NUDT6: variants seen among roughly 807,000 people sequenced by gnomAD.
NUDT6 encodes nudix hydrolase 6.
A neutral mutation model predicts 36.8 loss-of-function variants in NUDT6; 24 were observed. That is an observed-to-expected ratio of 0.65 (90% confidence interval 0.47 to 0.92). The LOEUF (loss-of-function observed/expected upper bound fraction) is 0.92. Among genes scored for constraint, NUDT6 ranks in the 40% least tolerant of loss-of-function variants. The pLI, the probability that NUDT6 is intolerant of heterozygous loss-of-function variation, is 0.00. For synonymous variants in NUDT6, 163 were observed against 157.0 expected (o/e 1.04, Z -0.29); for missense variants, 388 against 392.8 (o/e 0.99, Z 0.10).
At chr4:122,893,706 A>G (rs1184088247) in intron 4 of NUDT6, 1 of 152,406 alleles carries the variant, frequency 6.6e-6, no homozygotes, top group Non-Finnish European at 1.5e-5. Context: ...AAAGGTTTTC[A>G]CATTTTATAA....
At chr4:122,908,164 C>A (rs760014102) in intron 3 of NUDT6, among the ~76,000 whole-genome samples, 1 of 152,108 alleles carries the variant, frequency 6.6e-6, no homozygotes, top group South Asian at 2.1e-4. Flanking sequence ...TTGGACACAC[C>A]GCATTATACC....
intron 4 of NUDT6, chr4:122,893,479 C>T (rs1327794813): frequency 1.2e-5 from 4 of 345,908 alleles, no homozygotes; most frequent in African/African-American, 8.4e-5. Flanking sequence ...TCTACCTGTA[C>T]ATTTTTGGGG....
rs374300011 is a variant in NUDT6, at chr4:122,907,449, C to CTT, written c.498+5117_498+5118dup. On this transcript the variant is annotated intron_variant, in intron 3 of 4. Transcript: ENST00000304430. ...CGCACCTGGCCTATTTCTTTACTTT[C>CTT]TTTTTTTTTTTTTTTTTCTGAGACA... is the stretch of plus-strand genomic sequence containing the variant. Among the ~76,000 whole-genome samples the CTT allele has an allele frequency of 3.9e-3, 486 of 125,384 alleles. 11 individuals are homozygous for CTT. The East Asian group carries it at 0.056, about 14-fold the overall frequency. 82.3% of individuals were successfully genotyped at this position (125,384 alleles called of 152,430 possible).
Position 122,917,536 on chromosome 4 carries a change from A to C in NUDT6, c.407T>G (p.Leu136Ter), listed in dbSNP as rs974027379. The C allele has an allele frequency of 1.2e-6, 2 of 1,614,152 alleles. No individual in the cohort carries two copies. Among genetic ancestry groups the C allele is most frequent in the Admixed American group, 3.3e-5 (2 of 60,018 alleles). The stretch of plus-strand genomic sequence containing the variant: ...TACTTGATGTGAAGCATATCCTGGT[A>C]ATCTGCTGGGCCCTTCTCTCAGCCA... Reference protein sequence around the residue: ...TLWLREGPSRLPGYASHQVGV... With the variant: ...TLWLREGPSR Residue 136 changes from leucine (L) to a stop codon, truncating the protein, a stop_gained, in exon 2 of 5, where the codon TTA becomes TGA. Transcript: ENST00000304430. LOFTEE classifies it high-confidence loss of function.
chr4:122,901,564 G>GAAAT (rs1727524715), intron 3 of NUDT6, among the ~76,000 whole-genome samples: 1 of 152,090 alleles, frequency 6.6e-6, no homozygotes, highest in South Asian at 2.1e-4. Flanking sequence ...GCTAGCCCAA[G>GAAAT]AAATAATCAT....
At chr4:122,908,688 T>A (rs2150805728) in intron 3 of NUDT6, among the ~76,000 whole-genome samples, 1 of 152,342 alleles carries the variant, frequency 6.6e-6, no homozygotes, top group African/African-American at 2.4e-5. Context: ...AAAATAAACC[T>A]TTTAAAAATG....
At chr4:122,911,233 T>C (rs1261411423) in intron 3 of NUDT6, among the ~76,000 whole-genome samples, 1 of 152,192 alleles carries the variant, frequency 6.6e-6, no homozygotes, top group Non-Finnish European at 1.5e-5. Flanking sequence ...CTCCCTCTCA[T>C]TGGGCATACT....
At chr4:122,915,870 A>G (rs1262432635) in intron 2 of NUDT6, among the ~76,000 whole-genome samples, 4 of 152,226 alleles carry the variant, frequency 2.6e-5, no homozygotes, top group Non-Finnish European at 5.9e-5. Flanking sequence ...TACTTGCTAC[A>G]GGGAAGTAAG....
intron 3 of NUDT6, among the ~76,000 whole-genome samples, chr4:122,903,280 T>G (rs1382876234): frequency 2.6e-5 from 4 of 152,182 alleles, no homozygotes; most frequent in Admixed American, 2.6e-4. Flanking sequence ...TTGAACTTCT[T>G]TAGCTTCTAC....
At chr4:122,901,778 C>T (rs1384699591) in intron 3 of NUDT6, among the ~76,000 whole-genome samples, 1 of 152,068 alleles carries the variant, frequency 6.6e-6, no homozygotes, top group African/African-American at 2.4e-5. Flanking sequence ...TCTGTTTTCC[C>T]CGTTCCACAG....
At position 122,917,484 on chromosome 4, in the gene NUDT6, A is replaced by C; in HGVS notation, c.442+17T>G. The C allele has an allele frequency of 1.2e-6, 2 of 1,609,108 alleles. No individual in the cohort carries two copies. Among genetic ancestry groups the C allele is most frequent in the Non-Finnish European group, 1.7e-6 (2 of 1,175,536 alleles). ...GTCTAAAAAGTTAATTCTGCTCATCATGAGTTTGAAACTGACCTGCAACTC... is the reference window on the plus strand; with the variant it reads ...GTCTAAAAAGTTAATTCTGCTCATCCTGAGTTTGAAACTGACCTGCAACTC... On this transcript the variant is annotated intron_variant, in intron 2 of 4. Transcript: ENST00000304430.
At chr4:122,914,821 T>C (rs1376034507) in intron 2 of NUDT6, among the ~76,000 whole-genome samples, 2 of 152,196 alleles carry the variant, frequency 1.3e-5, no homozygotes, top group Non-Finnish European at 2.9e-5. Flanking sequence ...GATATCGTGG[T>C]GACCAAGACA....
At chr4:122,902,557 T>C (rs539526734) in intron 3 of NUDT6, among the ~76,000 whole-genome samples, 1 of 152,330 alleles carries the variant, frequency 6.6e-6, no homozygotes, top group South Asian at 2.1e-4. Context: ...ATTTGTATCT[T>C]ATGCATTTGA....
intron 3 of NUDT6, among the ~76,000 whole-genome samples, chr4:122,910,163 A>C: frequency 6.6e-6 from 1 of 152,206 alleles, no homozygotes. Context: ...CCCTGTTTTA[A>C]AAATATAGCC....
In NUDT6 at chr4:122,893,044, T is replaced by C. The variant is rs763303117; in HGVS notation, c.735A>G (p.Arg245=). ...TINFCQEECL[R]CEWMDLNDLA... Reference sequence around the variant, plus strand: ...GGTCATTGAGATCCATCCACTCACATCTTAAGCATTCTTCCTGGCAAAAAT... The same window carrying C: ...GGTCATTGAGATCCATCCACTCACACCTTAAGCATTCTTCCTGGCAAAAAT... Residue 245 remains arginine (R), a synonymous_variant, in exon 5 of 5, where the codon AGA becomes AGG. Transcript: ENST00000304430. The C allele has an allele frequency of 6.2e-7, 1 of 1,614,034 alleles. No homozygotes were observed. The highest frequency in any genetic ancestry group is 1.3e-5 in the African/African-American group (1 of 74,918).
intron 3 of NUDT6, among the ~76,000 whole-genome samples, chr4:122,899,131 G>A (rs1055527613): frequency 6.8e-6 from 1 of 148,078 alleles, no homozygotes; most frequent in African/African-American, 2.5e-5. Flanking sequence ...CTCCCACCTG[G>A]GCTTCCCAAA....
At chr4:122,900,279 C>T (rs945189651) in intron 3 of NUDT6, among the ~76,000 whole-genome samples, 4 of 150,820 alleles carry the variant, frequency 2.7e-5, no homozygotes, top group Non-Finnish European at 5.9e-5. Flanking sequence ...ATTTTTGCCA[C>T]CACCCTGACC....
At position 122,893,075 on chromosome 4, in the gene NUDT6, G is replaced by A; in HGVS notation, c.704C>T (p.Thr235Ile). 6.2e-7 allele frequency: 1 copy of A among 1,614,116 alleles called. No individual in the cohort carries two copies. Among genetic ancestry groups the A allele is most frequent in the South Asian group, 1.1e-5 (1 of 91,080 alleles). Reference protein sequence around the residue: ...IICRLKPYSFTINFCQEECLR... With the variant: ...IICRLKPYSFIINFCQEECLR... ...GCATTCTTCCTGGCAAAAATTTATG[G>A]TGAATGAATATGGCTTTAGGCGGCA... is the stretch of plus-strand genomic sequence containing the variant. Residue 235 changes from threonine (T) to isoleucine (I), a missense_variant, in exon 5 of 5, where the codon ACC becomes ATC. Physicochemically the swap from Thr to Ile is moderately conservative, Grantham distance 89. Coordinates refer to ENST00000304430, the MANE Select transcript of NUDT6 (RefSeq NM_007083.5).
intron 3 of NUDT6, among the ~76,000 whole-genome samples, chr4:122,905,114 CTGATTGGTCCATTTTACAGAGCAG>C (rs1270239153): frequency 1.3e-5 from 2 of 152,144 alleles, no homozygotes; most frequent in Non-Finnish European, 2.9e-5. Context: ...CCATGTCCTG[CTGATTGGTCCATTTTACAGAGCAG>C]TGATTGGTCC....
Sources: gnomAD v4.1 joint callset for allele counts (sites outside exome capture counted in the v4.1 genomes callset) on GRCh38, gnomAD v4.1.1 for gene constraint, MANE v1.5 for transcripts, NCBI Gene and HGNC (gene_info 2026-07-23, HGNC 2026-07-21) for gene names.